ACAT1: variants seen among roughly 807,000 people sequenced by gnomAD.
The protein encoded by ACAT1 is acetyl-CoA acetyltransferase 1.
A neutral mutation model predicts 47.3 loss-of-function variants in ACAT1; 28 were observed. The observed-to-expected ratio is 0.59, with a 90% confidence interval of 0.44 to 0.81. The LOEUF (loss-of-function observed/expected upper bound fraction) is 0.81, where lower values mean the gene tolerates loss of function less well. Among genes scored for constraint, ACAT1 ranks in the 30% least tolerant of loss-of-function variants. The pLI is 0.00. For missense variants in ACAT1, 469 were observed against 524.3 expected (o/e 0.89, Z 1.03); for synonymous variants, 181 against 173.6 (o/e 1.04, Z -0.34).
At position 108,147,288 on chromosome 11, in the gene ACAT1, T is replaced by C. The variant is rs1481560198; in HGVS notation, c.1182T>C (p.Ile394=). ...GHPIGMSGAR[I]VGHLTHALKQ... ...ATTTTAGGATGTCTGGAGCCAGGAT[T>C]GTTGGTCATTTGACTCATGCCTTGA... The change falls in exon 12 of 12, where the codon ATT becomes ATC. Residue 394 remains isoleucine (I), a synonymous_variant. Coordinates refer to ENST00000265838, the MANE Select transcript of ACAT1 (RefSeq NM_000019.4). 1 of 1,613,834 alleles carries C rather than the reference T, an allele frequency of 6.2e-7. No individual in the cohort carries two copies. Among genetic ancestry groups the C allele is most frequent in the African/African-American group, 1.3e-5 (1 of 74,924 alleles).
upstream of ACAT1, among the ~76,000 whole-genome samples, chr11:108,116,735 G>C (rs1429772798): frequency 1.3e-5 from 2 of 152,118 alleles, no homozygotes; most frequent in East Asian, 1.9e-4. Flanking sequence ...GCCACACACA[G>C]GGGAGAAGAC....
rs2077651574 is a variant in ACAT1 at position 108,144,167 on chromosome 11, A to T, written c.1005+120A>T. ...AAAGCAGAGAGATAGCTTGGTTTCA[A>T]ATCTTCCCATGTCTTCTCCTGAAAA... On this transcript the variant is annotated intron_variant, in intron 10 of 11. Transcript: ENST00000265838. The T allele has an allele frequency of 3.5e-6, 4 of 1,146,664 alleles. No individual in the cohort carries two copies. The Admixed American group carries it at 7.1e-5, about 20-fold the overall frequency. 71.0% of individuals were successfully genotyped at this position (1,146,664 alleles called of 1,614,324 possible).
At chr11:108,130,583 G>A (rs1257659054) in intron 1 of ACAT1, among the ~76,000 whole-genome samples, 2 of 151,762 alleles carry the variant, frequency 1.3e-5, no homozygotes, top group Non-Finnish European at 2.9e-5. Flanking sequence ...TAGTAGAGAC[G>A]GGGTTTGACC....
chr11:108,121,528 C>G, upstream of ACAT1: 1 of 1,471,664 alleles, frequency 6.8e-7, no homozygotes, highest in Non-Finnish European at 9.3e-7. Context: ...GGTGCCCGCG[C>G]CGGGCCGCTA....
chr11:108,132,073 G>C, intron 2 of ACAT1, 119 bp downstream of exon 2: 4 of 604,772 alleles, frequency 6.6e-6, no homozygotes, highest in Non-Finnish European at 1.2e-5. Context: ...TAACAGTTAG[G>C]AATAGCTAAC....
At chr11:108,146,044 G>GA (rs112079311) in intron 10 of ACAT1, 158 bp from the exon 11 acceptor site, 10,806 of 565,950 alleles carry the variant, frequency 0.019, 2 homozygotes, top group Non-Finnish European at 0.023. Context: ...AAGACTGTTG[G>GA]AAAAAAAAAA....
At position 108,132,771 on chromosome 11, in the gene ACAT1, G is replaced by A. The variant is rs376292496; in HGVS notation, c.120+817G>A. On this transcript the variant is annotated intron_variant, in intron 2 of 11. Coordinates refer to ENST00000265838, the MANE Select transcript of ACAT1 (RefSeq NM_000019.4). Reference sequence around the variant, plus strand: ...CGGGAGGCTGAGGCAGGAGAATGGCGTGAATCCGGGAGGCGGAGCTTGCAG... The same window carrying A: ...CGGGAGGCTGAGGCAGGAGAATGGCATGAATCCGGGAGGCGGAGCTTGCAG... 1.2e-3 allele frequency among the ~76,000 whole-genome samples: 173 copies of A among 142,916 alleles called. 1 individual carries two copies. Among genetic ancestry groups the A allele is most frequent in the African/African-American group, 4.3e-3 (167 of 39,274 alleles). The allele number at this position is 142,916 out of a possible 152,430, so 93.8% of individuals were successfully genotyped here.
At chr11:108,141,225 A>C (rs1229821611) in intron 7 of ACAT1, among the ~76,000 whole-genome samples, 1 of 151,894 alleles carries the variant, frequency 6.6e-6, no homozygotes, top group African/African-American at 2.4e-5. Context: ...GACCATTTCA[A>C]ACAAACAAAA....
At chr11:108,128,368 ATCACCTGAGG>A (rs2077290926) in intron 1 of ACAT1, among the ~76,000 whole-genome samples, 1 of 152,218 alleles carries the variant, frequency 6.6e-6, no homozygotes, top group Non-Finnish European at 1.5e-5. Flanking sequence ...AGGCAGGCGG[ATCACCTGAGG>A]TCAGGAGTTC....
At chr11:108,146,126 G>A (rs768700945) in intron 10 of ACAT1, 76 bp from the exon 11 acceptor site, 34 of 1,203,772 alleles carry the variant, frequency 2.8e-5, no homozygotes, top group Non-Finnish European at 3.8e-5. Context: ...TCAAACTGTA[G>A]TATTTCAAGG....
chr11:108,142,675 A>AAAAGTT, intron 9 of ACAT1, 125 bp downstream of exon 9: 1 of 751,216 alleles, frequency 1.3e-6, no homozygotes, highest in Middle Eastern at 3.6e-4. Context: ...CGTCTCTACA[A>AAAAGTT]AAAGTTAAAA....
chr11:108,141,485 A>G (rs773741133), intron 7 of ACAT1, 120 bp from the exon 8 acceptor site: 2 of 671,498 alleles, frequency 3.0e-6, no homozygotes, highest in Non-Finnish European at 5.3e-6. Flanking sequence ...TTTACTTGGG[A>G]TGGTTTAAGT....
chr11:108,136,134 C>G, intron 5 of ACAT1: 2 of 668,346 alleles, frequency 3.0e-6, no homozygotes, highest in Non-Finnish European at 2.7e-6. Context: ...GACCTGGACA[C>G]ACAGAAGAAT....
chr11:108,146,763 A>G (rs2077719687), intron 11 of ACAT1, among the ~76,000 whole-genome samples: 1 of 152,108 alleles, frequency 6.6e-6, no homozygotes, highest in Non-Finnish European at 1.5e-5. Flanking sequence ...TCTTCTATCC[A>G]TTATACTGTT....
chr11:108,125,880 C>A (rs200732741), intron 1 of ACAT1, among the ~76,000 whole-genome samples: 4 of 148,012 alleles, frequency 2.7e-5, no homozygotes, highest in Middle Eastern at 3.2e-3. Flanking sequence ...GAGCCGAGAT[C>A]GCGCCACTGC....
At chr11:108,130,683 G>A (rs928891425) in intron 1 of ACAT1, among the ~76,000 whole-genome samples, 13 of 152,090 alleles carry the variant, frequency 8.5e-5, no homozygotes, top group African/African-American at 2.4e-4. Context: ...GAGCCACTGC[G>A]CCCAGCTACT....
At chr11:108,125,924 TAA>T (rs564125266) in intron 1 of ACAT1, among the ~76,000 whole-genome samples, 32 of 124,522 alleles carry the variant, frequency 2.6e-4, no homozygotes, top group East Asian at 4.7e-4. Context: ...AGACTCCGTC[TAA>T]AAAAAAAAAA....
chr11:108,147,303 T>C lies in ACAT1; in HGVS notation c.1197T>C (p.Thr399=). 1 of 1,613,974 alleles carries C rather than the reference T, an allele frequency of 6.2e-7. No individual in the cohort carries two copies. The highest frequency in any genetic ancestry group is 1.1e-5 in the South Asian group (1 of 91,086). ...MSGARIVGHL[T]HALKQGEYGL... ...GAGCCAGGATTGTTGGTCATTTGAC[T>C]CATGCCTTGAAGCAAGGAGAATACG... The change falls in exon 12 of 12, where the codon ACT becomes ACC. Residue 399 remains threonine (T), a synonymous_variant. Coordinates refer to ENST00000265838, the MANE Select transcript of ACAT1 (RefSeq NM_000019.4).
chr11:108,132,957 C>T (rs576710335), intron 2 of ACAT1, among the ~76,000 whole-genome samples: 23 of 149,226 alleles, frequency 1.5e-4, no homozygotes, highest in Middle Eastern at 3.4e-3. Flanking sequence ...GGCCAAAGTG[C>T]GTGGATCACC....
Sources: gnomAD v4.1 joint callset for allele counts (sites outside exome capture counted in the v4.1 genomes callset) on GRCh38, gnomAD v4.1.1 for gene constraint, MANE v1.5 for transcripts, NCBI Gene and HGNC (gene_info 2026-07-23, HGNC 2026-07-21) for gene names.